The following SCHIP1 variants were observed in gnomAD, a reference collection of about 807,000 sequenced individuals.
The protein encoded by SCHIP1 is schwannomin interacting protein 1.
Under a neutral mutation model 29.7 loss-of-function variants are expected in SCHIP1, and 8 were observed. That is an observed-to-expected ratio of 0.27 (90% CI 0.16 to 0.49). SCHIP1 has a LOEUF of 0.49. Among genes scored for constraint, SCHIP1 ranks in the 20% least tolerant of loss-of-function variants. SCHIP1 has a pLI of 0.99. For missense variants in SCHIP1, 193 were observed against 294.6 expected (o/e 0.66, Z 2.52); for synonymous variants, 76 against 94.9 (o/e 0.80, Z 1.16).
the SCHIP1 span, among the ~76,000 whole-genome samples, chr3:159,644,229 T>C: frequency 1.3e-5 from 2 of 152,128 alleles, no homozygotes; most frequent in Non-Finnish European, 2.9e-5. Context: ...ACTAAATCTC[T>C]TAAATTGTCT....
chr3:159,815,172 C>G, the SCHIP1 span, among the ~76,000 whole-genome samples: 1 of 152,178 alleles, frequency 6.6e-6, no homozygotes, highest in Non-Finnish European at 1.5e-5. Flanking sequence ...AAATTAGACT[C>G]TCTTGATTAC....
At chr3:159,590,486 G>A in the SCHIP1 span, among the ~76,000 whole-genome samples, 2 of 152,080 alleles carry the variant, frequency 1.3e-5, no homozygotes, top group Non-Finnish European at 2.9e-5. Flanking sequence ...TGATGCAGAA[G>A]AATCGCTTGA....
chr3:159,507,925 T>G, the SCHIP1 span, among the ~76,000 whole-genome samples: 2 of 152,140 alleles, frequency 1.3e-5, no homozygotes, highest in African/African-American at 4.8e-5. Context: ...GGTCTAAAAT[T>G]CTCTTTTTTT....
the SCHIP1 span, among the ~76,000 whole-genome samples, chr3:159,305,609 T>C: frequency 6.6e-6 from 1 of 152,148 alleles, no homozygotes; most frequent in African/African-American, 2.4e-5. Flanking sequence ...TCTTTCAACA[T>C]GGAGATACAC....
At chr3:159,846,987 T>C (rs1303910747) in intron 1 of SCHIP1, among the ~76,000 whole-genome samples, 1 of 152,184 alleles carries the variant, frequency 6.6e-6, no homozygotes, top group Non-Finnish European at 1.5e-5. Context: ...GGCTTCATTG[T>C]GGGCCTGATC....
chr3:159,491,972 T>A, the SCHIP1 span, among the ~76,000 whole-genome samples: 2 of 152,210 alleles, frequency 1.3e-5, no homozygotes, highest in Non-Finnish European at 1.5e-5. Context: ...TCACCACTGC[T>A]GAAACCCAGG....
At chr3:159,895,491 A>G (rs1258210346) in intron 6 of SCHIP1, among the ~76,000 whole-genome samples, 1 of 152,174 alleles carries the variant, frequency 6.6e-6, no homozygotes, top group Admixed American at 6.5e-5. Flanking sequence ...ATTTCCTAAA[A>G]TCGTCCTTTA....
the SCHIP1 span, among the ~76,000 whole-genome samples, chr3:159,821,284 A>G: frequency 6.6e-6 from 1 of 152,218 alleles, no homozygotes; most frequent in Non-Finnish European, 1.5e-5. Flanking sequence ...AGTCTGGACA[A>G]GTCTTTCAAG....
chr3:159,786,518 T>A, the SCHIP1 span, among the ~76,000 whole-genome samples: 61 of 152,352 alleles, frequency 4.0e-4, no homozygotes, highest in African/African-American at 1.4e-3. Flanking sequence ...CATTAATGCT[T>A]CTTAAATATC....
chr3:159,427,665 G>A, the SCHIP1 span, among the ~76,000 whole-genome samples: 1 of 151,176 alleles, frequency 6.6e-6, no homozygotes, highest in East Asian at 1.9e-4. Context: ...AGCTACCAAT[G>A]ACTTTCTTCA....
At chr3:159,785,667 G>C in the SCHIP1 span, among the ~76,000 whole-genome samples, 1 of 151,244 alleles carries the variant, frequency 6.6e-6, no homozygotes, top group African/African-American at 2.4e-5. Flanking sequence ...TGCAATAGAA[G>C]TGTGTAATTT....
the SCHIP1 span, among the ~76,000 whole-genome samples, chr3:159,768,800 G>A: frequency 7.2e-5 from 11 of 152,204 alleles, no homozygotes; most frequent in East Asian, 1.9e-4. Flanking sequence ...TCATCACCTG[G>A]GACAGCCATA....
the SCHIP1 span, among the ~76,000 whole-genome samples, chr3:159,696,795 G>C: frequency 6.6e-6 from 1 of 152,208 alleles, no homozygotes; most frequent in Non-Finnish European, 1.5e-5. Flanking sequence ...CCTGAGGTAT[G>C]TACCAGGAAA....
At chr3:159,862,521 C>G (rs1196244578) in intron 1 of SCHIP1, among the ~76,000 whole-genome samples, 1 of 152,192 alleles carries the variant, frequency 6.6e-6, no homozygotes, top group Non-Finnish European at 1.5e-5. Flanking sequence ...CTAGTGAGAT[C>G]CTTTACCTCT....
At chr3:159,866,271 C>G (rs766022839) in exon 2 of SCHIP1, 1 of 1,613,544 alleles carries the variant, frequency 6.2e-7, no homozygotes, top group South Asian at 1.1e-5. Context: ...GAAGCCAAGC[C>G]TTTCCTCCCG....
the SCHIP1 span, among the ~76,000 whole-genome samples, chr3:159,611,403 A>G: frequency 6.6e-6 from 1 of 152,134 alleles, no homozygotes; most frequent in Non-Finnish European, 1.5e-5. Flanking sequence ...GCTGGAAACC[A>G]TCATTCTCAG....
At chr3:159,505,556 T>C in the SCHIP1 span, among the ~76,000 whole-genome samples, 1 of 152,210 alleles carries the variant, frequency 6.6e-6, no homozygotes, top group Non-Finnish European at 1.5e-5. Flanking sequence ...ATGTGCCATG[T>C]TGGTGTGCTG....
At chr3:159,781,966 T>G in the SCHIP1 span, among the ~76,000 whole-genome samples, 4 of 152,220 alleles carry the variant, frequency 2.6e-5, no homozygotes, top group Non-Finnish European at 4.4e-5. Context: ...GTATTGAATT[T>G]ATATGTAGAA....
chr3:159,692,839 C>T, the SCHIP1 span, among the ~76,000 whole-genome samples: 1 of 151,796 alleles, frequency 6.6e-6, no homozygotes, highest in Non-Finnish European at 1.5e-5. Context: ...AAAAAGAAAA[C>T]ATATTTAACA....
Sources: allele counts gnomAD v4.1 joint callset (sites outside exome capture counted in the v4.1 genomes callset), GRCh38; gene constraint gnomAD v4.1.1; transcripts MANE v1.5; gene names NCBI Gene and HGNC (gene_info 2026-07-23, HGNC 2026-07-21).